Variants in ANP32E observed in about 807,000 individuals in gnomAD.
ANP32E encodes the protein acidic nuclear phosphoprotein 32 family member E.
Under a neutral mutation model 35.3 loss-of-function variants are expected in ANP32E, and 14 were observed. The ratio of observed to expected loss-of-function variants is 0.40; its 90% CI spans 0.26 to 0.62. ANP32E has a LOEUF of 0.62. Among genes scored for constraint, ANP32E ranks in the 20% least tolerant of loss-of-function variants. The pLI, the probability that ANP32E is intolerant of heterozygous loss-of-function variation, is 0.45. For missense variants in ANP32E, 198 were observed against 304.4 expected (o/e 0.65, Z 2.60); for synonymous variants, 89 against 110.4 (o/e 0.81, Z 1.22).
chr1:150,226,275 G>C (rs984013964), intron 5 of ANP32E, among the ~76,000 whole-genome samples: 1 of 152,116 alleles, frequency 6.6e-6, no homozygotes, highest in Non-Finnish European at 1.5e-5. Flanking sequence ...CAAAAGTACT[G>C]GGATTACAGG....
intron 5 of ANP32E, among the ~76,000 whole-genome samples, chr1:150,225,668 CAAAAA>C (rs1648810070): frequency 5.0e-5 from 6 of 119,270 alleles, no homozygotes; most frequent in South Asian, 2.6e-4. Flanking sequence ...GAGACTGTAA[CAAAAA>C]AAAAAAAAAA....
intron 4 of ANP32E, among the ~76,000 whole-genome samples, chr1:150,228,455 G>C (rs1553840700): frequency 6.6e-6 from 1 of 152,138 alleles, no homozygotes. Flanking sequence ...ACTTTAGGAG[G>C]CTGAGGCAGG....
chr1:150,220,739 C>G lies in ANP32E; in HGVS notation c.759G>C (p.Glu253Asp), dbSNP rs1261119358. The change falls in exon 7 of 7, where the codon GAG (glutamate) becomes GAC (aspartate). Residue 253 changes from glutamate to aspartate, a missense_variant. Transcript: ENST00000583931. ...CGTCTTCAGCATCTCGTTTCCTCTT[C>G]TCCCCTCGAAGACCTCCTTCTTCTT... ...EEEEEGGLRG[E>D]KRKRDAEDDG... 6.2e-7 allele frequency: 1 copy of G among 1,613,852 alleles called. No individual in the cohort carries two copies. Among genetic ancestry groups the G allele is most frequent in the Admixed American group, 1.7e-5 (1 of 59,994 alleles).
chr1:150,221,705 CAT>C lies in ANP32E; in HGVS notation c.737-946_737-945del, dbSNP rs1382250651. ...AACAGACTTAACAGGCTTAGAAATC[CAT>C]AATTACAGTTTGCTATGCACCCTTG... On this transcript the variant is annotated intron_variant, in intron 6 of 6. Coordinates refer to ENST00000583931, the MANE Select transcript of ANP32E (RefSeq NM_030920.5). Among the ~76,000 whole-genome samples the C allele has an allele frequency of 2.6e-5, 4 of 152,216 alleles. No individual in the cohort carries two copies. The East Asian group carries it at 7.7e-4, about 29-fold the overall frequency.
rs1160984588 is a variant in ANP32E at position 150,235,091 on chromosome 1, C to A, written c.54+642G>T. On this transcript the variant is annotated intron_variant, in intron 1 of 6. Coordinates refer to ENST00000583931, the MANE Select transcript of ANP32E (RefSeq NM_030920.5). The surrounding 1 kb of genome is among the most constrained non-coding windows in gnomAD (Gnocchi z 4.2). ...TCCACCTCCGGTCACTGCGACGAGT[C>A]CCCAAACTCGCCCGCGGTCGGAGAA... 6.6e-6 allele frequency among the ~76,000 whole-genome samples: 1 copy of A among 152,202 alleles called. No individual in the cohort carries two copies. The highest frequency in any genetic ancestry group is 2.4e-5 in the African/African-American group (1 of 41,466).
At chr1:150,221,387 C>G (rs1479669947) in intron 6 of ANP32E, among the ~76,000 whole-genome samples, 1 of 148,152 alleles carries the variant, frequency 6.7e-6, no homozygotes, top group African/African-American at 2.5e-5. Flanking sequence ...TGCAGTGAGC[C>G]GAGATTGCAC....
chr1:150,226,303 G>A (rs1473593741), intron 5 of ANP32E, among the ~76,000 whole-genome samples: 4 of 152,068 alleles, frequency 2.6e-5, no homozygotes, highest in African/African-American at 7.2e-5. Flanking sequence ...CACCATGCCC[G>A]GCCTAATCTG....
intron 3 of ANP32E, 150 bp from the exon 4 acceptor site, chr1:150,229,387 T>G: frequency 1.9e-6 from 1 of 529,096 alleles, no homozygotes; most frequent in Non-Finnish European, 3.2e-6. Context: ...AACCTCCGCC[T>G]CCCGGGTTCA....
At chr1:150,233,401 T>C (rs1330910312) in intron 1 of ANP32E, among the ~76,000 whole-genome samples, 5 of 152,076 alleles carry the variant, frequency 3.3e-5, no homozygotes, top group Non-Finnish European at 5.9e-5. Flanking sequence ...GAAGAAACGT[T>C]AGAAAGCTCT....
rs1553842877 is a variant in ANP32E at position 150,235,008 on chromosome 1, A to T, written c.54+725T>A. Among the ~76,000 whole-genome samples, 1 of 152,212 alleles carries T rather than the reference A, an allele frequency of 6.6e-6. No individual in the cohort carries two copies. Among genetic ancestry groups the T allele is most frequent in the African/African-American group, 2.4e-5 (1 of 41,444 alleles). ...TCAAATTCAGAGTTGCGGCCACACGACGTGCCACATATCGTTACACGGCGG... is the reference window on the plus strand; with the variant it reads ...TCAAATTCAGAGTTGCGGCCACACGTCGTGCCACATATCGTTACACGGCGG... On this transcript the variant is annotated intron_variant, in intron 1 of 6. Transcript: ENST00000583931. This position sits in a 1 kb window ranked among gnomAD's most constrained non-coding sequence, Gnocchi z 4.2.
At chr1:150,230,486 G>A in intron 3 of ANP32E, 85 bp downstream of exon 3, 1 of 1,358,660 alleles carries the variant, frequency 7.4e-7, no homozygotes, top group Non-Finnish European at 9.9e-7. Flanking sequence ...AGTTTTAAGA[G>A]TTAAATAGAA....
chr1:150,225,793 C>T (rs923407999), intron 5 of ANP32E, among the ~76,000 whole-genome samples: 13 of 151,104 alleles, frequency 8.6e-5, no homozygotes, highest in African/African-American at 3.2e-4. Context: ...ATCACATTTG[C>T]ATTAGACTAA....
At position 150,235,022 on chromosome 1, in the gene ANP32E, G is replaced by T. The variant is rs587642355; in HGVS notation, c.54+711C>A. Among the ~76,000 whole-genome samples the T allele has an allele frequency of 6.6e-6, 1 of 152,332 alleles. No individual in the cohort carries two copies. The highest frequency in any genetic ancestry group is 1.5e-5 in the Non-Finnish European group (1 of 68,022). On this transcript the variant is annotated intron_variant, in intron 1 of 6. Transcript: ENST00000583931. The surrounding 1 kb of genome is among the most constrained non-coding windows in gnomAD (Gnocchi z 4.2). Reference sequence around the variant, plus strand: ...GCGGCCACACGACGTGCCACATATCGTTACACGGCGGGGGAAGAAGCGGAT... The same window carrying T: ...GCGGCCACACGACGTGCCACATATCTTTACACGGCGGGGGAAGAAGCGGAT...
At chr1:150,223,427 T>C in intron 5 of ANP32E, 187 bp from the exon 6 acceptor site, 3 of 651,324 alleles carry the variant, frequency 4.6e-6, no homozygotes, top group Non-Finnish European at 7.4e-6. Flanking sequence ...ACGCCTGTAA[T>C]CCCAGTACTT....
intron 5 of ANP32E, among the ~76,000 whole-genome samples, chr1:150,226,011 T>TG (rs1272166177): frequency 1.3e-5 from 2 of 150,630 alleles, no homozygotes; most frequent in Admixed American, 6.6e-5. Context: ...TAACCTGTTT[T>TG]TTTTTTTTTT....
Position 150,218,826 on chromosome 1 carries a change from C to T in ANP32E, c.*1865G>A, listed in dbSNP as rs1648120358. 1.3e-5 allele frequency: 2 copies of T among 152,494 alleles called. No homozygotes were observed. Among genetic ancestry groups the T allele is most frequent in the Non-Finnish European group, 1.5e-5 (1 of 68,016 alleles). The allele number at this position is 152,494 out of a possible 1,614,324, so 9.4% of individuals were successfully genotyped here. On this transcript the variant is annotated 3_prime_UTR_variant, in exon 7 of 7. Transcript: ENST00000583931. The stretch of plus-strand genomic sequence containing the variant: ...CCAAAGTACTCTAATTTTGATTGCA[C>T]AGTAAGATGATTGATAAGAAAGTCA...
At position 150,219,328 on chromosome 1, in the gene ANP32E, T is replaced by C. The variant is rs2101748820; in HGVS notation, c.*1363A>G. The C allele has an allele frequency of 6.6e-6, 1 of 152,334 alleles. No individual in the cohort carries two copies. The highest frequency in any genetic ancestry group is 2.4e-5 in the African/African-American group (1 of 41,578). The allele number at this position is 152,334 out of a possible 1,614,324, so 9.4% of individuals were successfully genotyped here. On this transcript the variant is annotated 3_prime_UTR_variant, in exon 7 of 7. Transcript: ENST00000583931. Reference sequence around the variant, plus strand: ...TGTATACTCATTATATTTTATTTAGTAGCCATGTAAGGAAACACACACTCA... The same window carrying C: ...TGTATACTCATTATATTTTATTTAGCAGCCATGTAAGGAAACACACACTCA...
Position 150,226,787 on chromosome 1 carries a change from C to A in ANP32E, c.502G>T (p.Glu168Ter). The change falls in exon 5 of 7, where the codon GAA becomes TAA. Residue 168 changes from glutamate (E) to a stop codon, truncating the protein, a stop_gained. Coordinates refer to ENST00000583931, the MANE Select transcript of ANP32E (RefSeq NM_030920.5). LOFTEE classifies it high-confidence loss of function. ...TTTTCCTCTTCCTCTTCATCATCTT[C>A]ATCGCCATCTTTAAAAAATCATTTA... ...SEEEDDEDGD[E>*]DDEEEEENEA... 6.2e-7 allele frequency: 1 copy of A among 1,601,808 alleles called. No homozygotes were observed. Among genetic ancestry groups the A allele is most frequent in the Non-Finnish European group, 8.5e-7 (1 of 1,175,672 alleles).
At chr1:150,226,007 G>GTT (rs34846816) in intron 5 of ANP32E, among the ~76,000 whole-genome samples, 51,412 of 138,274 alleles carry the variant, frequency 0.37, 10,407 homozygotes, top group East Asian at 0.56. Flanking sequence ...GATATAACCT[G>GTT]TTTTTTTTTT....
Sources: gnomAD v4.1 joint callset for allele counts (sites outside exome capture counted in the v4.1 genomes callset) on GRCh38, gnomAD v4.1.1 for gene constraint, Gnocchi (gnomAD v3.1) non-coding constraint, MANE v1.5 for transcripts, NCBI Gene and HGNC (gene_info 2026-07-23, HGNC 2026-07-21) for gene names.